The following C16orf46 variants were observed in gnomAD, a reference collection of about 807,000 sequenced individuals.
C16orf46 encodes chromosome 16 open reading frame 46.
C16orf46 carries 7 observed loss-of-function variants against 5.5 expected under a neutral mutation model. That is an observed-to-expected ratio of 1.28 (90% CI 0.73 to 2.40). The LOEUF (loss-of-function observed/expected upper bound fraction) is 2.40, where lower values mean the gene tolerates loss of function less well. C16orf46 is among the 30% of genes most tolerant of loss of function. The pLI, the probability that C16orf46 is intolerant of heterozygous loss-of-function variation, is 0.00. For synonymous variants in C16orf46, 200 were observed against 184.1 expected (o/e 1.09, Z -0.70); for missense variants, 614 against 476.0 (o/e 1.29, Z -2.70).
chr16:81,062,519 G>A lies in C16orf46; in HGVS notation c.211-381C>T, dbSNP rs114766516. ...TCTTTTCAAATGCACATTTAAATTT[G>A]AAGCCATTAAAATAAAATGAAAACC... On this transcript the variant is annotated intron_variant, in intron 3 of 3. Transcript: ENST00000299578. Among the ~76,000 whole-genome samples the A allele has an allele frequency of 7.0e-3, 1,064 of 152,266 alleles. 14 individuals carry two copies. The highest frequency in any genetic ancestry group is 0.023 in the African/African-American group (975 of 41,530).
intron 3 of C16orf46, among the ~76,000 whole-genome samples, chr16:81,055,845 G>A (rs1239289456): frequency 6.6e-6 from 1 of 152,196 alleles, no homozygotes; most frequent in African/African-American, 2.4e-5. Context: ...CTAATCCCAA[G>A]TAGCTGGGAT....
intron 1 of C16orf46, among the ~76,000 whole-genome samples, chr16:81,069,199 TAGG>T (rs1025099644): frequency 1.3e-5 from 2 of 152,118 alleles, no homozygotes; most frequent in African/African-American, 4.8e-5. Flanking sequence ...ACACTTGAAT[TAGG>T]AGGAGTACTG....
At chr16:81,059,319 T>TC (rs1189836467), downstream of C16orf46, among the ~76,000 whole-genome samples, 5 of 16,370 alleles carry the variant, frequency 3.1e-4, no homozygotes, top group Admixed American at 9.7e-4. Flanking sequence ...AGACTCTGTC[T>TC]CAAAAAAAAA....
intron 1 of C16orf46, among the ~76,000 whole-genome samples, chr16:81,073,889 G>A (rs1353147986): frequency 1.3e-5 from 2 of 152,164 alleles, no homozygotes; most frequent in African/African-American, 2.4e-5. Context: ...TCTTGGAAGT[G>A]GGTTCTTCCA....
chr16:81,061,187 G>GA lies in C16orf46; in HGVS notation c.1161dup (p.Pro388SerfsTer?). 1.2e-6 allele frequency: 2 copies of GA among 1,612,786 alleles called. No homozygotes were observed. The highest frequency in any genetic ancestry group is 1.7e-6 in the Non-Finnish European group (2 of 1,179,246). ...CAGAGGATCCTGTGGGTAGAGACAG[G>GA]AATGATAACTCTGCTCACTGTGAGA... On this transcript the variant is annotated frameshift_variant, in exon 4 of 4. Transcript: ENST00000299578. LOFTEE classifies it high-confidence loss of function.
At chr16:81,058,394 C>T (rs555594277), downstream of C16orf46, among the ~76,000 whole-genome samples, 22 of 152,214 alleles carry the variant, frequency 1.4e-4, no homozygotes, top group Non-Finnish European at 2.4e-4. Context: ...GGAACACCTC[C>T]GTATGCACAA....
rs1457164504 is a variant in C16orf46 at position 81,061,601 on chromosome 16, C to G, written c.748G>C (p.Ala250Pro). The G allele has an allele frequency of 6.2e-7, 1 of 1,614,206 alleles. No individual in the cohort carries two copies. Among genetic ancestry groups the G allele is most frequent in the South Asian group, 1.1e-5 (1 of 91,090 alleles). The change falls in exon 4 of 4, where the codon GCT becomes CCT. Residue 250 changes from alanine (A) to proline (P), a missense_variant. Ala to Pro is a conservative substitution (Grantham distance 27, BLOSUM62 -1). Coordinates refer to ENST00000299578, the MANE Select transcript of C16orf46 (RefSeq NM_152337.3). ...VLDVEKDGCVAYAYGLKTADG... is the reference protein window; with the variant it reads ...VLDVEKDGCVPYAYGLKTADG... ...GCTGTTTTCAAGCCATATGCATAAG[C>G]CACACACCCATCCTTTTCCACATCC...
chr16:81,056,859 C>T (rs1233383985), downstream of C16orf46, among the ~76,000 whole-genome samples: 2 of 152,182 alleles, frequency 1.3e-5, no homozygotes, highest in Non-Finnish European at 2.9e-5. Flanking sequence ...CAGCTCCCTT[C>T]ACACCTGCAC....
intron 1 of C16orf46, chr16:81,072,309 G>A (rs979263740): frequency 1.6e-5 from 2 of 128,506 alleles, no homozygotes; most frequent in Admixed American, 8.9e-5. Flanking sequence ...GGTTGTTCGT[G>A]TAATGATTAT....
In C16orf46 at chr16:81,061,901, T is replaced by C. The variant is rs990702647; in HGVS notation, c.448A>G (p.Ile150Val). Residue 150 changes from isoleucine (I) to valine (V), a missense_variant, in exon 4 of 4, where the codon ATC (isoleucine) becomes GTC (valine). Coordinates refer to ENST00000299578, the MANE Select transcript of C16orf46 (RefSeq NM_152337.3). ...GCTCGAAAGTAGGTGGGAAAGCAGA[T>C]GTCGCTAATTGCCCTGGAAGCAGTG... is the stretch of plus-strand genomic sequence containing the variant. The part of the protein sequence containing the change: ...PSTASRAISD[I>V]CFPTYFRAEK... The C allele has an allele frequency of 1.2e-5, 20 of 1,614,144 alleles. No homozygotes were observed. The highest frequency in any genetic ancestry group is 1.7e-5 in the Admixed American group (1 of 60,010).
At chr16:81,055,921 T>C (rs1017687997) in intron 3 of C16orf46, 2 of 152,190 alleles carry the variant, frequency 1.3e-5, no homozygotes, top group African/African-American at 4.8e-5. Flanking sequence ...TTTCGCCATA[T>C]TGGCCAGGCT....
rs753533248 is a variant in C16orf46, at chr16:81,063,839, AT to A, written c.116del (p.Asn39IlefsTer56). The A allele has an allele frequency of 6.2e-7, 1 of 1,613,724 alleles. No individual in the cohort carries two copies. Among genetic ancestry groups the A allele is most frequent in the Non-Finnish European group, 8.5e-7 (1 of 1,179,912 alleles). On this transcript the variant is annotated frameshift_variant, in exon 3 of 4. Coordinates refer to ENST00000299578, the MANE Select transcript of C16orf46 (RefSeq NM_152337.3). LOFTEE classifies it high-confidence loss of function. ...YTCPDGKSEK[N>X]HVYCLLDVSD... is the part of the protein sequence containing the mutation. ...TGACATCGAGAAGACAATAAACATG[AT>A]TTTTTTCACTTTTTCCATCTGGACA... is the stretch of plus-strand genomic sequence containing the variant.
Position 81,077,202 on chromosome 16 carries a change from G to A in C16orf46, c.-194C>T, listed in dbSNP as rs947694112. 5.3e-5 allele frequency: 8 copies of A among 152,332 alleles called. No homozygotes were observed. The highest frequency in any genetic ancestry group is 1.0e-4 in the Non-Finnish European group (7 of 68,104). 9.4% of individuals were successfully genotyped at this position (152,332 alleles called of 1,614,324 possible). A position where few individuals can be genotyped will look rare whatever the true frequency, so the allele number is the denominator to read the frequency against. Reference sequence around the variant, plus strand: ...CCGGCCTACTGGCAAGAGCTACTCAGGTCGCTGCCGGATGGGCCGTTGCCT... The same window carrying A: ...CCGGCCTACTGGCAAGAGCTACTCAAGTCGCTGCCGGATGGGCCGTTGCCT... On this transcript the variant is annotated 5_prime_UTR_variant, in exon 1 of 4. Transcript: ENST00000299578.
At chr16:81,053,880 G>A (rs887654079) in exon 4 of C16orf46, 8 of 552,244 alleles carry the variant, frequency 1.4e-5, no homozygotes, top group Non-Finnish European at 2.6e-5. Context: ...AGAGCGAGCC[G>A]ATGACCATGG....
chr16:81,071,758 G>C lies in C16orf46; in HGVS notation c.-128+5378C>G, dbSNP rs371139206. 9.2e-5 allele frequency among the ~76,000 whole-genome samples: 14 copies of C among 152,124 alleles called. No individual in the cohort carries two copies. In the East Asian group the frequency reaches 1.7e-3, roughly 19 times the overall value. Reference sequence around the variant, plus strand: ...AAAAAGTCAATGCATAACATAACTGGTACATATACCGAGTCTCTAAGAGAA... The same window carrying C: ...AAAAAGTCAATGCATAACATAACTGCTACATATACCGAGTCTCTAAGAGAA... On this transcript the variant is annotated intron_variant, in intron 1 of 3. Transcript: ENST00000299578.
downstream of C16orf46, among the ~76,000 whole-genome samples, chr16:81,059,058 T>C (rs1240982431): frequency 6.6e-6 from 1 of 151,928 alleles, no homozygotes; most frequent in Non-Finnish European, 1.5e-5. Context: ...TGGATTCTTA[T>C]TTATTTATTT....
intron 3 of C16orf46, chr16:81,054,172 T>C: frequency 4.3e-6 from 6 of 1,388,568 alleles, no homozygotes; most frequent in South Asian, 1.2e-5. Context: ...TCAATGCATC[T>C]GAATTATGAC....
In C16orf46 at chr16:81,061,883, A is replaced by T; in HGVS notation, c.466T>A (p.Phe156Ile). The T allele has an allele frequency of 6.2e-7, 1 of 1,614,210 alleles. No homozygotes were observed. The highest frequency in any genetic ancestry group is 8.5e-7 in the Non-Finnish European group (1 of 1,180,042). Residue 156 changes from phenylalanine to isoleucine, a missense_variant, in exon 4 of 4, where the codon TTT becomes ATT. By Grantham distance (21) the Phe-to-Ile change is conservative (BLOSUM62 0). Coordinates refer to ENST00000299578, the MANE Select transcript of C16orf46 (RefSeq NM_152337.3). ...TGCAGACTTTTTTTCTCTGCTCGAA[A>T]GTAGGTGGGAAAGCAGATGTCGCTA... ...AISDICFPTYFRAEKKSLQIK... is the reference protein window; with the variant it reads ...AISDICFPTYIRAEKKSLQIK...
Position 81,061,124 on chromosome 16 carries a change from AAAC to A in C16orf46, c.*34_*36del. The A allele has an allele frequency of 1.9e-6, 3 of 1,540,256 alleles. No homozygotes were observed. Among genetic ancestry groups the A allele is most frequent in the Non-Finnish European group, 1.7e-6 (2 of 1,144,962 alleles). On this transcript the variant is annotated 3_prime_UTR_variant, in exon 4 of 4. Coordinates refer to ENST00000299578, the MANE Select transcript of C16orf46 (RefSeq NM_152337.3). ...GAAAGAGAAAGGATGGCTGCATCTC[AAAC>A]GGTGCTTATTCCCAGGGGTTCTACC...
Sources: gnomAD v4.1 joint callset for allele counts (sites outside exome capture counted in the v4.1 genomes callset) on GRCh38, gnomAD v4.1.1 for gene constraint, MANE v1.5 for transcripts, NCBI Gene and HGNC (gene_info 2026-07-23, HGNC 2026-07-21) for gene names.